Variants in SPATA1 observed in about 807,000 individuals in gnomAD.
SPATA1 encodes the protein spermatogenesis associated 1, also known as spermatogenesis-associated protein 1.
SPATA1 carries 57 observed loss-of-function variants against 59.6 expected under a neutral mutation model. That is an observed-to-expected ratio of 0.96 (90% CI 0.77 to 1.19). The LOEUF is 1.19. Ranked by LOEUF, SPATA1 falls within the 50% of genes most tolerant of loss-of-function variation. The pLI is 0.00. For synonymous variants in SPATA1, 147 were observed against 163.9 expected, an observed-to-expected ratio of 0.90 and a Z score of 0.79; for missense variants, 448 against 480.7, an observed-to-expected ratio of 0.93 and a Z score of 0.64.
rs149543314 is a variant in SPATA1 at position 84,532,780 on chromosome 1, C to T, written c.545-80C>T. 147 of 904,164 alleles carry T rather than the reference C, an allele frequency of 1.6e-4. No homozygotes were observed. The African/African-American group carries it at 2.2e-3, about 14-fold the overall frequency. The allele number at this position is 904,164 out of a possible 1,614,324, so 56.0% of individuals were successfully genotyped here. A position where few individuals can be genotyped will look rare whatever the true frequency, so the allele number is the denominator to read the frequency against. ...AAATCTACGATAAGATTATAGTGTA[C>T]ATGTATAAAAACAAACGTTTATTTT... On this transcript the variant is annotated intron_variant, in intron 6 of 12. Coordinates refer to ENST00000490879, the Ensembl canonical transcript of SPATA1.
At chr1:84,552,683 CTTG>C (rs1013338860) in intron 12 of SPATA1, 5 of 167,640 alleles carry the variant, frequency 3.0e-5, no homozygotes, top group African/African-American at 1.2e-4. Flanking sequence ...ATTTTGTTTT[CTTG>C]TTGTTTTCAC....
chr1:84,511,379 AC>A (rs1453663572), intron 1 of SPATA1, among the ~76,000 whole-genome samples: 1 of 151,850 alleles, frequency 6.6e-6, no homozygotes, highest in Admixed American at 6.6e-5. Flanking sequence ...TCTCTGGGAG[AC>A]CCTCCCCCTC....
chr1:84,544,750 G>A (rs1009833300), intron 9 of SPATA1, among the ~76,000 whole-genome samples: 13 of 151,098 alleles, frequency 8.6e-5, no homozygotes, highest in African/African-American at 2.9e-4. Context: ...TAGTAGAGAC[G>A]GGATTTCACC....
exon 13 of SPATA1, chr1:84,553,927 T>A (rs1684350649): frequency 6.6e-6 from 1 of 152,290 alleles, no homozygotes; most frequent in East Asian, 1.9e-4. Context: ...TTAGAAAACT[T>A]ATTTGTATAA....
rs377661559 is a variant in SPATA1, at chr1:84,520,594, C to T, written c.46C>T (p.Leu16Phe). 22 of 1,542,076 alleles carry T rather than the reference C, an allele frequency of 1.4e-5. No individual in the cohort carries two copies. The African/African-American group carries it at 2.5e-4, about 18-fold the overall frequency. The stretch of plus-strand genomic sequence containing the variant: ...TTCTCAATTTATTCAGTTGGTGGAA[C>T]TTCATGTTTTTTATGTCCCTGAAGG... Residue 16 changes from leucine to phenylalanine, a missense_variant, in exon 3 of 13, where the codon CTT becomes TTT. Transcript: ENST00000490879.
At chr1:84,548,553 A>AAT (rs918234104) in intron 10 of SPATA1, among the ~76,000 whole-genome samples, 4 of 147,528 alleles carry the variant, frequency 2.7e-5, no homozygotes, top group Non-Finnish European at 4.5e-5. Context: ...ATTACTATAA[A>AAT]ATATATATAT....
At chr1:84,542,971 C>A (rs183274434) in intron 8 of SPATA1, among the ~76,000 whole-genome samples, 7 of 151,920 alleles carry the variant, frequency 4.6e-5, no homozygotes, top group Admixed American at 4.6e-4. Context: ...TACATATATA[C>A]CTATGACAAA....
At chr1:84,529,433 A>T (rs1165819641) in intron 6 of SPATA1, among the ~76,000 whole-genome samples, 1 of 152,074 alleles carries the variant, frequency 6.6e-6, no homozygotes, top group Admixed American at 6.6e-5. Context: ...TCAATGAGTA[A>T]ATAATATATA....
At chr1:84,553,278 A>G in exon 13 of SPATA1, 2 of 470,732 alleles carry the variant, frequency 4.2e-6, no homozygotes, top group Middle Eastern at 1.1e-3. Flanking sequence ...GTTTCAGGAA[A>G]TATTAGATGT....
rs192709180 is a variant in SPATA1 at position 84,544,421 on chromosome 1, G to A, written c.820+117G>A. ...CAGTTTGAGAAGATAAATAAGTTCT[G>A]GAGATGGGTGGTGGTGATGGTTTCA... On this transcript the variant is annotated intron_variant, in intron 9 of 12. Transcript: ENST00000490879. 4.9e-4 allele frequency: 356 copies of A among 732,656 alleles called. 6 individuals carry two copies. Among genetic ancestry groups the A allele is most frequent in the South Asian group, 4.1e-3 (225 of 55,374 alleles). 45.4% of individuals were successfully genotyped at this position (732,656 alleles called of 1,614,324 possible).
intron 2 of SPATA1, among the ~76,000 whole-genome samples, chr1:84,519,769 C>T (rs557811543): frequency 6.6e-6 from 1 of 152,168 alleles, no homozygotes; most frequent in African/African-American, 2.4e-5. Context: ...TTTTTATCTC[C>T]TATGAAATTA....
At chr1:84,561,124 A>C (rs1328452008) in intron 4 of SPATA1, among the ~76,000 whole-genome samples, 2 of 152,358 alleles carry the variant, frequency 1.3e-5, no homozygotes, top group East Asian at 3.9e-4. Context: ...GTAAACTGAA[A>C]GCTTTTTGGA....
At chr1:84,548,072 A>T (rs1684146961) in intron 10 of SPATA1, among the ~76,000 whole-genome samples, 1 of 152,202 alleles carries the variant, frequency 6.6e-6, no homozygotes, top group Non-Finnish European at 1.5e-5. Flanking sequence ...TACCGGTAGA[A>T]GTTGCTAAGG....
At chr1:84,527,698 T>C (rs918863202) in intron 6 of SPATA1, 3 of 152,058 alleles carry the variant, frequency 2.0e-5, no homozygotes, top group Admixed American at 1.3e-4. Context: ...CCTTTATTAA[T>C]GTTTTTGCTA....
At chr1:84,516,325 C>T in exon 2 of SPATA1, 1 of 1,493,918 alleles carries the variant, frequency 6.7e-7, no homozygotes. Flanking sequence ...AACAAAATTC[C>T]AATTGATAAT....
At chr1:84,526,952 C>T (rs569552582) in intron 6 of SPATA1, among the ~76,000 whole-genome samples, 1 of 144,718 alleles carries the variant, frequency 6.9e-6, no homozygotes, top group East Asian at 2.0e-4. Flanking sequence ...AAGCTAACTA[C>T]AGTCTAAGAA....
At chr1:84,507,122 T>G (rs1682293795) in intron 1 of SPATA1, 1 of 152,160 alleles carries the variant, frequency 6.6e-6, no homozygotes, top group South Asian at 2.1e-4. Context: ...CAGTAGGTCT[T>G]TCTTTCATCC....
At chr1:84,548,406 A>C (rs918306138) in intron 10 of SPATA1, among the ~76,000 whole-genome samples, 3 of 146,410 alleles carry the variant, frequency 2.0e-5, no homozygotes, top group African/African-American at 7.4e-5. Flanking sequence ...TTATAGTTAT[A>C]TATGTTATAT....
At chr1:84,520,199 G>T in intron 2 of SPATA1, 1 of 167,484 alleles carries the variant, frequency 6.0e-6, no homozygotes, top group Non-Finnish European at 1.3e-5. Context: ...AATATACAAA[G>T]GATAAAGATT....
Sources: allele counts gnomAD v4.1 joint callset (sites outside exome capture counted in the v4.1 genomes callset), GRCh38; gene constraint gnomAD v4.1.1; transcripts MANE v1.5; gene names NCBI Gene and HGNC (gene_info 2026-07-23, HGNC 2026-07-21).